The following IL1RAPL2 variants were observed in gnomAD, a reference collection of about 807,000 sequenced individuals.
IL1RAPL2 encodes X-linked interleukin-1 receptor accessory protein-like 2.
IL1RAPL2 carries 3 observed loss-of-function variants against 44.1 expected under a neutral mutation model. That is an observed-to-expected ratio of 0.07 (90% CI 0.03 to 0.18). The LOEUF is 0.18. Ranked by LOEUF, IL1RAPL2 falls within the 10% of genes least tolerant of loss-of-function variation. The pLI, the probability that IL1RAPL2 is intolerant of heterozygous loss-of-function variation, is 1.00. For missense variants in IL1RAPL2, 391 were observed against 496.4 expected, an observed-to-expected ratio of 0.79 and a Z score of 2.02; for synonymous variants, 181 against 178.8, an observed-to-expected ratio of 1.01 and a Z score of -0.10.
At chrX:104,851,927 C>G (rs1922236523) in intron 2 of IL1RAPL2, among the ~76,000 whole-genome samples, 2 of 111,385 alleles carry the variant, frequency 1.8e-5, no homozygotes, top group Admixed American at 1.9e-4. Flanking sequence ...TGAAAATTCT[C>G]TTAATACTCC....
At chrX:105,759,053 T>C (rs775502848) in intron 10 of IL1RAPL2, among the ~76,000 whole-genome samples, 15 of 112,023 alleles carry the variant, frequency 1.3e-4, no homozygotes, top group South Asian at 3.7e-4. Context: ...AGCTGTGCAA[T>C]TGAGATCCTG....
At chrX:104,704,337 C>A (rs899906860) in intron 2 of IL1RAPL2, among the ~76,000 whole-genome samples, 1 of 111,358 alleles carries the variant, frequency 9.0e-6, no homozygotes, top group East Asian at 2.9e-4. Context: ...GTGGCAGAAA[C>A]GCTAGATGAG....
intron 6 of IL1RAPL2, among the ~76,000 whole-genome samples, chrX:105,558,247 G>A (rs900517768): frequency 9.0e-5 from 10 of 111,222 alleles, no homozygotes; most frequent in African/African-American, 3.3e-4. Context: ...AAATCTTTTC[G>A]TGTAAAATGG....
intron 10 of IL1RAPL2, among the ~76,000 whole-genome samples, chrX:105,763,983 A>G (rs1475905156): frequency 1.8e-5 from 2 of 111,743 alleles, no homozygotes; most frequent in African/African-American, 6.5e-5. Context: ...ACTCTAGTGC[A>G]TATGATTAAT....
chrX:104,609,412 T>G (rs1465248908), intron 1 of IL1RAPL2, among the ~76,000 whole-genome samples: 1 of 112,146 alleles, frequency 8.9e-6, no homozygotes, highest in Non-Finnish European at 1.9e-5. Flanking sequence ...CTTGCTAGGT[T>G]GGGAAAGTTC....
At chrX:105,213,911 A>G (rs1218333526) in intron 3 of IL1RAPL2, among the ~76,000 whole-genome samples, 1 of 109,498 alleles carries the variant, frequency 9.1e-6, no homozygotes, top group African/African-American at 3.3e-5. Flanking sequence ...AATCCTTTAT[A>G]GACAAGCAAA....
chrX:105,156,501 C>A (rs1486294442), intron 2 of IL1RAPL2, among the ~76,000 whole-genome samples: 2 of 112,356 alleles, frequency 1.8e-5, no homozygotes, highest in African/African-American at 6.5e-5. Flanking sequence ...GGTATAAGCT[C>A]TGCTACATAG....
chrX:104,570,992 C>T (rs950826990), intron 1 of IL1RAPL2, among the ~76,000 whole-genome samples: 2 of 109,961 alleles, frequency 1.8e-5, no homozygotes, highest in Non-Finnish European at 3.8e-5. Context: ...ATTCTCTAAC[C>T]CTAGCACCTC....
chrX:105,195,888 T>A lies in IL1RAPL2; in HGVS notation c.356+140T>A. 5.4e-6 allele frequency: 3 copies of A among 559,146 alleles called. No individual in the cohort carries two copies. In the South Asian group the frequency reaches 9.1e-5, roughly 17 times the overall value. 46.1% of individuals were successfully genotyped at this position (559,146 alleles called of 1,213,427 possible). A position where few individuals can be genotyped will look rare whatever the true frequency, so the allele number is the denominator to read the frequency against. Reference sequence around the variant, plus strand: ...CAGTACATGTGGAGCTTCAGTAAATTCCAGTTCTAATTATCTATCAGAACT... The same window carrying A: ...CAGTACATGTGGAGCTTCAGTAAATACCAGTTCTAATTATCTATCAGAACT... On this transcript the variant is annotated intron_variant, in intron 3 of 10. Coordinates refer to ENST00000372582, the MANE Select transcript of IL1RAPL2 (RefSeq NM_017416.2).
In IL1RAPL2 at chrX:105,473,560, G is replaced by A. The variant is rs771419408; in HGVS notation, c.698-10753G>A. Among the ~76,000 whole-genome samples the A allele has an allele frequency of 7.2e-5, 8 of 111,760 alleles. No individual in the cohort carries two copies. In the South Asian group the frequency reaches 3.0e-3, roughly 41 times the overall value. On this transcript the variant is annotated intron_variant, in intron 5 of 10. Transcript: ENST00000372582. ...TTTGAAAAATGCTTATTTAATATCCGGTTGTCATCCTCATTACGGACTGTT... is the reference window on the plus strand; with the variant it reads ...TTTGAAAAATGCTTATTTAATATCCAGTTGTCATCCTCATTACGGACTGTT...
At chrX:105,564,627 T>C (rs976801962) in intron 6 of IL1RAPL2, among the ~76,000 whole-genome samples, 1 of 111,831 alleles carries the variant, frequency 8.9e-6, no homozygotes, top group Non-Finnish European at 1.9e-5. Context: ...GTAGTAACAC[T>C]GTGGGATTGT....
chrX:104,629,984 T>G (rs962991323), intron 1 of IL1RAPL2, among the ~76,000 whole-genome samples: 1 of 111,400 alleles, frequency 9.0e-6, no homozygotes, highest in Non-Finnish European at 1.9e-5. Flanking sequence ...TTGTTCTTTT[T>G]TTTGTTTGTT....
At chrX:104,642,671 G>C (rs1929956461) in intron 1 of IL1RAPL2, among the ~76,000 whole-genome samples, 1 of 110,734 alleles carries the variant, frequency 9.0e-6, no homozygotes, top group East Asian at 2.8e-4. Context: ...TTTTTTAGTA[G>C]AGACAGGGTT....
intron 2 of IL1RAPL2, among the ~76,000 whole-genome samples, chrX:104,685,064 G>A (rs770164746): frequency 2.7e-5 from 3 of 112,266 alleles, no homozygotes; most frequent in Admixed American, 9.4e-5. Flanking sequence ...TAGATTATAC[G>A]TAGAGTTAAT....
intron 2 of IL1RAPL2, among the ~76,000 whole-genome samples, chrX:104,922,669 G>A (rs1333716319): frequency 8.9e-6 from 1 of 111,772 alleles, no homozygotes; most frequent in Non-Finnish European, 1.9e-5. Context: ...AAATCCCACC[G>A]AAATGAAAGT....
At chrX:105,649,844 G>T (rs746306271) in intron 6 of IL1RAPL2, among the ~76,000 whole-genome samples, 2 of 111,631 alleles carry the variant, frequency 1.8e-5, no homozygotes, top group Non-Finnish European at 3.8e-5. Flanking sequence ...GAAATATACC[G>T]CACTTAGGGG....
chrX:104,633,317 C>T (rs1193746629), intron 1 of IL1RAPL2, among the ~76,000 whole-genome samples: 2 of 111,298 alleles, frequency 1.8e-5, no homozygotes, highest in African/African-American at 3.3e-5. Flanking sequence ...TTTGTTGTCT[C>T]TCTGCCAGGC....
chrX:104,874,599 A>T (rs1922857976), intron 2 of IL1RAPL2, among the ~76,000 whole-genome samples: 1 of 111,255 alleles, frequency 9.0e-6, no homozygotes, highest in South Asian at 3.8e-4. Flanking sequence ...GGTAAGTAGA[A>T]ATCGGCAAAA....
chrX:104,992,958 A>G (rs1401599685), intron 2 of IL1RAPL2, among the ~76,000 whole-genome samples: 1 of 111,322 alleles, frequency 9.0e-6, no homozygotes, highest in African/African-American at 3.3e-5. Flanking sequence ...TTTGGAAGTG[A>G]AATGAAAACT....
Sources: allele counts gnomAD v4.1 joint callset (sites outside exome capture counted in the v4.1 genomes callset), GRCh38; gene constraint gnomAD v4.1.1; transcripts MANE v1.5; gene names NCBI Gene and HGNC (gene_info 2026-07-23, HGNC 2026-07-21).